Variants in AHCY observed in about 807,000 individuals in gnomAD.
AHCY encodes adenosylhomocysteinase, also known as S-adenosyl-L-homocysteine hydrolase.
Under a neutral mutation model 45.4 loss-of-function variants are expected in AHCY, and 24 were observed. The observed-to-expected ratio is 0.53, with a 90% CI of 0.38 to 0.74. The LOEUF (loss-of-function observed/expected upper bound fraction) is 0.74, where lower values mean the gene tolerates loss of function less well. Among genes scored for constraint, AHCY ranks in the 30% least tolerant of loss-of-function variants. The pLI is 0.00. For missense variants in AHCY, 449 were observed against 594.1 expected, an observed-to-expected ratio of 0.76 and a Z score of 2.54; for synonymous variants, 245 against 235.1, an observed-to-expected ratio of 1.04 and a Z score of -0.39.
chr20:34,252,863 T>C, the AHCY span, among the ~76,000 whole-genome samples: 8 of 152,178 alleles, frequency 5.3e-5, no homozygotes, highest in Non-Finnish European at 1.2e-4. Flanking sequence ...GAATGGAGAA[T>C]GGCGATGACT....
chr20:34,259,464 G>A, the AHCY span, among the ~76,000 whole-genome samples: 1 of 152,100 alleles, frequency 6.6e-6, no homozygotes, highest in African/African-American at 2.4e-5. Context: ...AGTGAGCCAA[G>A]ATCGTGCCAC....
chr20:34,296,468 T>C (rs1201718616), intron 1 of AHCY, among the ~76,000 whole-genome samples: 1 of 152,218 alleles, frequency 6.6e-6, no homozygotes, highest in Non-Finnish European at 1.5e-5. Context: ...CTACATCCTC[T>C]GGCTTCATGG....
At chr20:34,284,251 C>T (rs1451235325) in intron 9 of AHCY, among the ~76,000 whole-genome samples, 1 of 152,126 alleles carries the variant, frequency 6.6e-6, no homozygotes, top group Non-Finnish European at 1.5e-5. Flanking sequence ...CCTCCACCTC[C>T]TGGGTTCAAG....
In AHCY at chr20:34,280,992, G is replaced by C; in HGVS notation, c.*42C>G. 2 of 1,613,122 alleles carry C rather than the reference G, an allele frequency of 1.2e-6. No individual in the cohort carries two copies. Among genetic ancestry groups the C allele is most frequent in the Non-Finnish European group, 8.5e-7 (1 of 1,179,692 alleles). ...CTCTTAGGGAGGAGAGGTGGGGCCT[G>C]GGCAAGGACAGCAGCTGGAGGGTGA... On this transcript the variant is annotated 3_prime_UTR_variant, in exon 10 of 10. Transcript: ENST00000217426.
chr20:34,264,013 A>C, the AHCY span, among the ~76,000 whole-genome samples: 1 of 152,208 alleles, frequency 6.6e-6, no homozygotes. Flanking sequence ...TGACAATTAG[A>C]AAAAACAGGT....
the AHCY span, among the ~76,000 whole-genome samples, chr20:34,254,291 G>A: frequency 6.6e-6 from 1 of 152,206 alleles, no homozygotes; most frequent in South Asian, 2.1e-4. Context: ...TCGAACTCCT[G>A]ACCTCAGGTG....
At chr20:34,274,737 A>G in the AHCY span, among the ~76,000 whole-genome samples, 1 of 151,932 alleles carries the variant, frequency 6.6e-6, no homozygotes, top group African/African-American at 2.4e-5. Flanking sequence ...GCTTGAGCCC[A>G]GGAGTTTGAG....
the AHCY span, among the ~76,000 whole-genome samples, chr20:34,267,301 T>C: frequency 1.3e-5 from 2 of 151,838 alleles, no homozygotes; most frequent in African/African-American, 4.8e-5. Flanking sequence ...AAGAGTGGTC[T>C]GGGAAGGCCT....
downstream of AHCY, among the ~76,000 whole-genome samples, chr20:34,275,987 GGT>G (rs766461639): frequency 2.8e-4 from 42 of 152,132 alleles, no homozygotes; most frequent in Non-Finnish European, 4.0e-4. Flanking sequence ...TGCTGCACCC[GGT>G]CTGTGTTGGC....
chr20:34,283,786 A>G (rs1054958761), intron 9 of AHCY, among the ~76,000 whole-genome samples: 4 of 152,208 alleles, frequency 2.6e-5, no homozygotes, highest in African/African-American at 7.2e-5. Flanking sequence ...CAGGGAGATT[A>G]GTTGTTGGCT....
intron 1 of AHCY, 134 bp downstream of exon 1, chr20:34,303,109 C>A: frequency 6.7e-7 from 1 of 1,486,118 alleles, no homozygotes; most frequent in South Asian, 1.3e-5. Flanking sequence ...GCTGGCTTCG[C>A]GCGGCCAGAA....
chr20:34,257,699 CCT>C, the AHCY span, among the ~76,000 whole-genome samples: 1 of 152,088 alleles, frequency 6.6e-6, no homozygotes, highest in African/African-American at 2.4e-5. Flanking sequence ...TGTAATTTTT[CCT>C]CTGCCTCCAC....
At chr20:34,269,260 T>A in the AHCY span, 1 of 1,397,620 alleles carries the variant, frequency 7.2e-7, no homozygotes, top group Non-Finnish European at 9.3e-7. Flanking sequence ...TTCCCAGGGC[T>A]GCAGGCGGGC....
At chr20:34,296,861 T>C (rs562158254) in intron 1 of AHCY, among the ~76,000 whole-genome samples, 1 of 152,264 alleles carries the variant, frequency 6.6e-6, no homozygotes, top group Non-Finnish European at 1.5e-5. Flanking sequence ...ATCAATAAAA[T>C]TGTCTGTCAG....
chr20:34,303,151 G>C (rs1050409316), intron 1 of AHCY, 92 bp downstream of exon 1: 1 of 1,539,144 alleles, frequency 6.5e-7, no homozygotes, highest in African/African-American at 1.4e-5. Context: ...AGGGGGTCCA[G>C]AGAGCCCCGA....
the AHCY span, among the ~76,000 whole-genome samples, chr20:34,238,119 G>C: frequency 1.3e-5 from 2 of 152,130 alleles, no homozygotes; most frequent in Non-Finnish European, 2.9e-5. Flanking sequence ...CCGTATCTTT[G>C]TGTGGATCTC....
downstream of AHCY, among the ~76,000 whole-genome samples, chr20:34,277,041 G>A (rs571516300): frequency 1.3e-3 from 203 of 152,098 alleles, no homozygotes; most frequent in African/African-American, 4.7e-3. Context: ...CCCGTGATCC[G>A]GCTTCCTGGA....
the AHCY span, among the ~76,000 whole-genome samples, chr20:34,255,227 G>A: frequency 6.6e-6 from 1 of 152,172 alleles, no homozygotes; most frequent in Non-Finnish European, 1.5e-5. Context: ...CTACCCCTTG[G>A]ATTTGTGAAT....
the AHCY span, among the ~76,000 whole-genome samples, chr20:34,232,308 G>T: frequency 1.1e-3 from 175 of 152,292 alleles, no homozygotes; most frequent in Non-Finnish European, 2.3e-3. Flanking sequence ...ATGAGGAGGA[G>T]CATAAGAGAC....
Sources: allele counts gnomAD v4.1 joint callset (sites outside exome capture counted in the v4.1 genomes callset), GRCh38; gene constraint gnomAD v4.1.1; transcripts MANE v1.5; gene names NCBI Gene and HGNC (gene_info 2026-07-23, HGNC 2026-07-21).